SPATA6L: variants seen among roughly 807,000 people sequenced by gnomAD.
SPATA6L encodes the protein spermatogenesis associated 6 like.
A neutral mutation model predicts 49.2 loss-of-function variants in SPATA6L; 68 were observed. The observed-to-expected ratio is 1.38, with a 90% CI of 1.14 to 1.69. SPATA6L has a LOEUF of 1.69. SPATA6L is among the 40% of genes most tolerant of loss of function. The probability of loss-of-function intolerance (pLI) is 0.00; values close to 1 mark genes in which losing one functional copy is unlikely to be tolerated. For synonymous variants in SPATA6L, 198 were observed against 165.7 expected (o/e 1.19, Z -1.50); for missense variants, 668 against 464.3 (o/e 1.44, Z -4.03).
intron 6 of SPATA6L, among the ~76,000 whole-genome samples, chr9:4,622,848 C>A (rs1002241929): frequency 6.6e-6 from 1 of 152,214 alleles, no homozygotes; most frequent in Admixed American, 6.5e-5. Flanking sequence ...AATAGGACAA[C>A]GTTTCACATT....
At chr9:4,590,873 G>T (rs757416218) in intron 13 of SPATA6L, among the ~76,000 whole-genome samples, 2 of 152,176 alleles carry the variant, frequency 1.3e-5, no homozygotes, top group African/African-American at 4.8e-5. Flanking sequence ...CAGACTGCAG[G>T]CTCTGGTAGC....
chr9:4,627,904 C>G, intron 5 of SPATA6L: 2 of 870,980 alleles, frequency 2.3e-6, no homozygotes, highest in Non-Finnish European at 3.3e-6. Context: ...ATATTACATA[C>G]ACATAATGGA....
At chr9:4,627,949 C>A in intron 5 of SPATA6L, 1 of 525,234 alleles carries the variant, frequency 1.9e-6, no homozygotes, top group Non-Finnish European at 3.2e-6. Context: ...TGTCTTGCAA[C>A]AACGTGGATG....
At chr9:4,651,164 C>T (rs1195661506) in intron 3 of SPATA6L, among the ~76,000 whole-genome samples, 10 of 152,184 alleles carry the variant, frequency 6.6e-5, no homozygotes, top group South Asian at 6.2e-4. Context: ...CACCACACCC[C>T]ACTAATTGTT....
intron 3 of SPATA6L, among the ~76,000 whole-genome samples, chr9:4,649,935 G>A (rs970944452): frequency 6.6e-6 from 1 of 152,162 alleles, no homozygotes; most frequent in Non-Finnish European, 1.5e-5. Flanking sequence ...TCTTACAGAT[G>A]TGACCCATCT....
chr9:4,629,332 T>A (rs906208172), intron 4 of SPATA6L, among the ~76,000 whole-genome samples, 164 bp from the exon 5 acceptor site: 3 of 152,184 alleles, frequency 2.0e-5, no homozygotes, highest in African/African-American at 7.2e-5. Context: ...AACACTTATG[T>A]AATATATATT....
chr9:4,629,769 G>GTATATACATATATA (rs1554721619), intron 4 of SPATA6L, among the ~76,000 whole-genome samples: 3 of 101,936 alleles, frequency 2.9e-5, no homozygotes, highest in African/African-American at 9.9e-5. Context: ...GTGTGTGTGT[G>GTATATACATATATA]TATATATATA....
At chr9:4,611,374 A>G (rs1826667091) in intron 9 of SPATA6L, among the ~76,000 whole-genome samples, 1 of 148,948 alleles carries the variant, frequency 6.7e-6, no homozygotes, top group South Asian at 2.1e-4. Context: ...CACTACTCAC[A>G]ATAGCAAAGA....
At chr9:4,617,390 A>C (rs938860846) in intron 9 of SPATA6L, 2 of 152,250 alleles carry the variant, frequency 1.3e-5, no homozygotes, top group Admixed American at 1.3e-4. Context: ...CAAGCAAACC[A>C]GTGGTTACTT....
rs767909202 is a variant in SPATA6L, at chr9:4,622,518, T to A, written c.670-8A>T. The stretch of plus-strand genomic sequence containing the variant: ...GGGCTTTGCACTGTCCACCTGAAAG[T>A]AAAGGAAAGAAATAAGACTAGAATC... On this transcript the variant is annotated splice_region_variant and splice_polypyrimidine_tract_variant and intron_variant, in intron 6 of 11. Coordinates refer to ENST00000682582, the MANE Select transcript of SPATA6L (RefSeq NM_001353486.2). The A allele has an allele frequency of 1.3e-6, 2 of 1,587,662 alleles. No homozygotes were observed. Among genetic ancestry groups the A allele is most frequent in the Non-Finnish European group, 1.7e-6 (2 of 1,159,640 alleles).
In SPATA6L at chr9:4,625,537, T is replaced by C. The variant is rs1052635553; in HGVS notation, c.459A>G (p.Leu153=). The change falls in exon 6 of 12, where the codon TTA becomes TTG. Residue 153 remains leucine, a synonymous_variant. Transcript: ENST00000682582. ...LEERHESRRP[L]STSHEPIFPL... is the part of the protein sequence containing the mutation. ...GAAATATTGGTTCATGTGATGTAGA[T>C]AAAGGCCTCCGTGACTCATGTCTTT... is the stretch of plus-strand genomic sequence containing the variant. The C allele has an allele frequency of 1.9e-6, 3 of 1,596,478 alleles. No homozygotes were observed. The highest frequency in any genetic ancestry group is 1.2e-5 in the South Asian group (1 of 86,544).
chr9:4,618,122 T>C lies in SPATA6L; in HGVS notation c.808-12A>G. The C allele has an allele frequency of 1.3e-6, 2 of 1,588,576 alleles. No individual in the cohort carries two copies. Among genetic ancestry groups the C allele is most frequent in the Non-Finnish European group, 8.6e-7 (1 of 1,164,364 alleles). ...GGCTCTTTGATAACCTGAGTGACAA[T>C]ATGCATTATTTAGTTGTAATTTTGC... On this transcript the variant is annotated splice_polypyrimidine_tract_variant and intron_variant, in intron 8 of 11. Transcript: ENST00000682582.
chr9:4,665,612 T>C (rs1049395983), intron 1 of SPATA6L, among the ~76,000 whole-genome samples: 6 of 152,088 alleles, frequency 3.9e-5, no homozygotes, highest in African/African-American at 1.4e-4. Context: ...CATGGAAGGA[T>C]TGGAAAATGG....
chr9:4,634,145 T>C (rs1832264679), intron 4 of SPATA6L, among the ~76,000 whole-genome samples: 2 of 152,334 alleles, frequency 1.3e-5, no homozygotes, highest in South Asian at 2.1e-4. Flanking sequence ...TCAGTGTTTG[T>C]AGATGCCTTT....
At chr9:4,635,183 CAAGATA>C in intron 4 of SPATA6L, 86 bp downstream of exon 4, 1 of 1,370,366 alleles carries the variant, frequency 7.3e-7, no homozygotes, top group Non-Finnish European at 9.6e-7. Flanking sequence ...GGGTACTAAC[CAAGATA>C]AAGATCAAAC....
intron 8 of SPATA6L, 101 bp from the exon 9 acceptor site, chr9:4,618,211 T>TTCTGTCATCTTAGCCC: frequency 3.0e-6 from 3 of 991,544 alleles, no homozygotes; most frequent in Non-Finnish European, 4.4e-6. Flanking sequence ...CGGGCTAAGA[T>TTCTGTCATCTTAGCCC]GACAGAATAT....
chr9:4,606,812 G>A, intron 9 of SPATA6L, among the ~76,000 whole-genome samples: 1 of 148,538 alleles, frequency 6.7e-6, no homozygotes, highest in Non-Finnish European at 1.5e-5. Flanking sequence ...TCGACGAGCT[G>A]AGAGAAGAAG....
rs1833061729 is a variant in SPATA6L at position 4,637,589 on chromosome 9, C to T, written c.227-2190G>A. On this transcript the variant is annotated intron_variant, in intron 3 of 11. Transcript: ENST00000682582. ...ACAGGGCCCAGCCAAGACAATCACACCTGAAAAGGGGCCTCACTGTCAGCA... is the reference window on the plus strand; with the variant it reads ...ACAGGGCCCAGCCAAGACAATCACATCTGAAAAGGGGCCTCACTGTCAGCA... 1.3e-5 allele frequency among the ~76,000 whole-genome samples: 2 copies of T among 152,138 alleles called. 1 individual carries two copies. The highest frequency in any genetic ancestry group is 4.1e-4 in the South Asian group (2 of 4,822).
downstream of SPATA6L, among the ~76,000 whole-genome samples, chr9:4,594,203 T>C (rs7874932): frequency 0.31 from 47,095 of 151,962 alleles, 7,670 homozygotes; most frequent in Middle Eastern, 0.46. Flanking sequence ...TTGGGAATTG[T>C]GGGTTTTTGT....
Sources: allele counts gnomAD v4.1 joint callset (sites outside exome capture counted in the v4.1 genomes callset), GRCh38; gene constraint gnomAD v4.1.1; transcripts MANE v1.5; gene names NCBI Gene and HGNC (gene_info 2026-07-23, HGNC 2026-07-21).